MAML1: variants seen among roughly 807,000 people sequenced by gnomAD.
MAML1 encodes mastermind like transcriptional coactivator 1.
MAML1 carries 14 observed loss-of-function variants against 77.1 expected under a neutral mutation model. That is an observed-to-expected ratio of 0.18 (90% confidence interval 0.12 to 0.28). The LOEUF is 0.28. MAML1 is among the 10% of genes least tolerant of loss of function. MAML1 has a pLI of 1.00. For missense variants in MAML1, 1,217 were observed against 1,327.8 expected (o/e 0.92, Z 1.30); for synonymous variants, 516 against 551.9 (o/e 0.93, Z 0.91).
Position 179,753,900 on chromosome 5 carries a change from G to T in MAML1, c.316-11426G>T, listed in dbSNP as rs189429255. Among the ~76,000 whole-genome samples, 3 of 151,740 alleles carry T rather than the reference G, an allele frequency of 2.0e-5. No homozygotes were observed. The East Asian group carries it at 5.9e-4, about 30-fold the overall frequency. ...TTGGTCAAGCTGGTCTCGAACTCCC[G>T]ACCTCAAGTGATCCACCCACCTCGG... On this transcript the variant is annotated intron_variant, in intron 1 of 4. Transcript: ENST00000292599.
In MAML1 at chr5:179,765,625, T is replaced by G; in HGVS notation, c.615T>G (p.Ser205Arg). The G allele has an allele frequency of 6.2e-7, 1 of 1,614,172 alleles. No individual in the cohort carries two copies. The highest frequency in any genetic ancestry group is 8.5e-7 in the Non-Finnish European group (1 of 1,180,040). Residue 205 changes from serine to arginine, a missense_variant, in exon 2 of 5, where the codon AGT becomes AGG. Ser to Arg is a moderately radical substitution (Grantham distance 110, BLOSUM62 -1). Coordinates refer to ENST00000292599, the MANE Select transcript of MAML1 (RefSeq NM_014757.5). ...SLHLNGGSNP[S>R]ESFPLSLNKE... Reference sequence around the variant, plus strand: ...ACTTGAATGGAGGCAGTAACCCCAGTGAGTCATTTCCTCTGAGCCTGAATA... The same window carrying G: ...ACTTGAATGGAGGCAGTAACCCCAGGGAGTCATTTCCTCTGAGCCTGAATA...
Position 179,753,184 on chromosome 5 carries a change from AGTGTGTGTGTGT to A in MAML1, c.316-12114_316-12103del, listed in dbSNP as rs59680995. 2.1e-3 allele frequency among the ~76,000 whole-genome samples: 259 copies of A among 120,588 alleles called. 1 individual carries two copies. Among genetic ancestry groups the A allele is most frequent in the African/African-American group, 3.3e-3 (116 of 35,318 alleles). The allele number at this position is 120,588 out of a possible 152,430, so 79.1% of individuals were successfully genotyped here. A position where few individuals can be genotyped will look rare whatever the true frequency, so the allele number is the denominator to read the frequency against. ...ACCTAAATCCTAGATGCTATTTTTTAGTGTGTGTGTGTGTGTGTGTGTGTGTGTGTGTGTGTG... is the reference window on the plus strand; with the variant it reads ...ACCTAAATCCTAGATGCTATTTTTTAGTGTGTGTGTGTGTGTGTGTGTGTG... On this transcript the variant is annotated intron_variant, in intron 1 of 4. Transcript: ENST00000292599.
chr5:179,736,463 G>A (rs1282069914), intron 1 of MAML1, among the ~76,000 whole-genome samples: 2 of 151,822 alleles, frequency 1.3e-5, no homozygotes, highest in Admixed American at 1.3e-4. Flanking sequence ...ATGTTGGCCA[G>A]GATGGTCTCG....
At chr5:179,750,264 T>C (rs1270045697) in intron 1 of MAML1, among the ~76,000 whole-genome samples, 1 of 152,234 alleles carries the variant, frequency 6.6e-6, no homozygotes, top group African/African-American at 2.4e-5. Context: ...AGACTTCACA[T>C]GCTTACTCTG....
At position 179,769,862 on chromosome 5, in the gene MAML1, A is replaced by G. The variant is rs1184475167; in HGVS notation, c.1971+773A>G. Among the ~76,000 whole-genome samples, 2 of 152,042 alleles carry G rather than the reference A, an allele frequency of 1.3e-5. No individual in the cohort carries two copies. Among genetic ancestry groups the G allele is most frequent in the Non-Finnish European group, 2.9e-5 (2 of 68,006 alleles). On this transcript the variant is annotated intron_variant, in intron 3 of 4. Transcript: ENST00000292599. The surrounding 1 kb of genome is among the most constrained non-coding windows in gnomAD (Gnocchi z 4.2). The stretch of plus-strand genomic sequence containing the variant: ...GCCACCACGCCTGGCCTTAAATTAC[A>G]TCTTTAAGACATAAGAACTGGCTCC...
intron 4 of MAML1, 196 bp from the exon 5 acceptor site, chr5:179,773,699 C>T: frequency 5.1e-6 from 5 of 977,298 alleles, no homozygotes; most frequent in Non-Finnish European, 4.9e-6. Context: ...TGCCCTTCCT[C>T]TGTGCCTTTC....
At chr5:179,754,758 A>ATT (rs973848686) in intron 1 of MAML1, among the ~76,000 whole-genome samples, 3 of 152,140 alleles carry the variant, frequency 2.0e-5, no homozygotes, top group African/African-American at 7.2e-5. Context: ...GTGCCTGGGA[A>ATT]TTTGCATTTC....
At chr5:179,741,643 G>T (rs1779286243) in intron 1 of MAML1, among the ~76,000 whole-genome samples, 1 of 143,758 alleles carries the variant, frequency 7.0e-6, no homozygotes, top group African/African-American at 2.6e-5. Context: ...CTGAGATTGT[G>T]ACATCGTACT....
Position 179,743,364 on chromosome 5 carries a change from C to CTT in MAML1, c.315+9958_315+9959dup, listed in dbSNP as rs1187480234. ...ACCATGCCCGACCCCCTGCCCCACG[C>CTT]TTTTTTTTTTTTTTTTTTTTTTAAG... On this transcript the variant is annotated intron_variant, in intron 1 of 4. Transcript: ENST00000292599. 6.7e-3 allele frequency among the ~76,000 whole-genome samples: 617 copies of CTT among 91,718 alleles called. 8 individuals are homozygous for CTT. The highest frequency in any genetic ancestry group is 0.028 in the South Asian group (62 of 2,244). 60.2% of individuals were successfully genotyped at this position (91,718 alleles called of 152,430 possible).
chr5:179,735,470 C>T (rs1198818778), intron 1 of MAML1, among the ~76,000 whole-genome samples: 1 of 152,142 alleles, frequency 6.6e-6, no homozygotes, highest in Non-Finnish European at 1.5e-5. Flanking sequence ...TCACAGCAAT[C>T]TCCGCCTCCC....
At position 179,769,950 on chromosome 5, in the gene MAML1, A is replaced by T. The variant is rs1198795996; in HGVS notation, c.1971+861A>T. 1.3e-5 allele frequency among the ~76,000 whole-genome samples: 2 copies of T among 152,198 alleles called. No individual in the cohort carries two copies. Among genetic ancestry groups the T allele is most frequent in the Non-Finnish European group, 2.9e-5 (2 of 68,034 alleles). ...TTCTGCCTTTAAGAAAAGCAGCTTTATTGTGATGTAACTCACACAGCATAC... is the reference window on the plus strand; with the variant it reads ...TTCTGCCTTTAAGAAAAGCAGCTTTTTTGTGATGTAACTCACACAGCATAC... On this transcript the variant is annotated intron_variant, in intron 3 of 4. Transcript: ENST00000292599. The surrounding 1 kb of genome is among the most constrained non-coding windows in gnomAD (Gnocchi z 4.2).
In MAML1 at chr5:179,776,292, T is replaced by C. The variant is rs1756132327; in HGVS notation, c.*1415T>C. 7 of 985,704 alleles carry C rather than the reference T, an allele frequency of 7.1e-6. No homozygotes were observed. In the South Asian group the frequency reaches 2.3e-4, roughly 33 times the overall value. 61.1% of individuals were successfully genotyped at this position (985,704 alleles called of 1,614,324 possible). A position where few individuals can be genotyped will look rare whatever the true frequency, so the allele number is the denominator to read the frequency against. On this transcript the variant is annotated 3_prime_UTR_variant, in exon 5 of 5. Coordinates refer to ENST00000292599, the MANE Select transcript of MAML1 (RefSeq NM_014757.5). ...TGTTTCCCTGGAGTCTCCCAATGGA[T>C]CATTCAGGAGTGTCCTATGTGAGAA...
chr5:179,770,765 T>C (rs1333314201), intron 3 of MAML1, among the ~76,000 whole-genome samples: 1 of 152,222 alleles, frequency 6.6e-6, no homozygotes, highest in Non-Finnish European at 1.5e-5. Context: ...GTCAGACTGT[T>C]TCCCACAGGC....
Position 179,742,737 on chromosome 5 carries a change from C to T in MAML1, c.315+9310C>T, listed in dbSNP as rs945808647. Among the ~76,000 whole-genome samples the T allele has an allele frequency of 2.0e-5, 3 of 151,982 alleles. 1 individual carries two copies. The highest frequency in any genetic ancestry group is 4.1e-4 in the South Asian group (2 of 4,822). ...CAGGAGGCAGGAGAATCACTTGAACCCAGAAGGCGGAGGTTGCAGTGAGCT... is the reference window on the plus strand; with the variant it reads ...CAGGAGGCAGGAGAATCACTTGAACTCAGAAGGCGGAGGTTGCAGTGAGCT... On this transcript the variant is annotated intron_variant, in intron 1 of 4. Coordinates refer to ENST00000292599, the MANE Select transcript of MAML1 (RefSeq NM_014757.5).
At chr5:179,747,546 C>T (rs1030083772) in intron 1 of MAML1, among the ~76,000 whole-genome samples, 3 of 152,194 alleles carry the variant, frequency 2.0e-5, no homozygotes, top group Non-Finnish European at 2.9e-5. Context: ...CACGGTGGCT[C>T]ATGCCTGTAA....
At position 179,771,531 on chromosome 5, in the gene MAML1, G is replaced by C. The variant is rs1755990664; in HGVS notation, c.2068+288G>C. 1.3e-5 allele frequency among the ~76,000 whole-genome samples: 2 copies of C among 152,228 alleles called. No homozygotes were observed. Among genetic ancestry groups the C allele is most frequent in the African/African-American group, 2.4e-5 (1 of 41,462 alleles). Reference sequence around the variant, plus strand: ...GAGGACATCTTATCAGCAGGAAATAGCTTCTGTAATTCTCAAGAAAGTTCT... The same window carrying C: ...GAGGACATCTTATCAGCAGGAAATACCTTCTGTAATTCTCAAGAAAGTTCT... On this transcript the variant is annotated intron_variant, in intron 4 of 4. Coordinates refer to ENST00000292599, the MANE Select transcript of MAML1 (RefSeq NM_014757.5). The surrounding 1 kb of genome is among the most constrained non-coding windows in gnomAD (Gnocchi z 4.7).
At chr5:179,773,827 CGGCTCGAGTCTCAGA>C in intron 4 of MAML1, 53 bp from the exon 5 acceptor site, 1 of 1,535,304 alleles carries the variant, frequency 6.5e-7, no homozygotes, top group African/African-American at 1.4e-5. Context: ...TCTGGTGCTG[CGGCTCGAGTCTCAGA>C]GGGACCCAGT....
chr5:179,739,636 A>G (rs1328454924), intron 1 of MAML1, among the ~76,000 whole-genome samples: 1 of 152,202 alleles, frequency 6.6e-6, no homozygotes, highest in Admixed American at 6.6e-5. Context: ...GCGAGCTATG[A>G]TTGCGCCACT....
rs1386865578 is a variant in MAML1 at position 179,769,575 on chromosome 5, G to A, written c.1971+486G>A. ...GTGAGAGTTCTTTTTTTTTTTTGGA[G>A]ACAGAGTCTTGCTGTCACCCAGGCT... On this transcript the variant is annotated intron_variant, in intron 3 of 4. Coordinates refer to ENST00000292599, the MANE Select transcript of MAML1 (RefSeq NM_014757.5). This position sits in a 1 kb window ranked among gnomAD's most constrained non-coding sequence, Gnocchi z 4.2. Among the ~76,000 whole-genome samples the A allele has an allele frequency of 6.6e-6, 1 of 151,334 alleles. No individual in the cohort carries two copies. The highest frequency in any genetic ancestry group is 1.9e-4 in the East Asian group (1 of 5,178).
Sources: gnomAD v4.1 joint callset for allele counts (sites outside exome capture counted in the v4.1 genomes callset) on GRCh38, gnomAD v4.1.1 for gene constraint, Gnocchi (gnomAD v3.1) non-coding constraint, MANE v1.5 for transcripts, NCBI Gene and HGNC (gene_info 2026-07-23, HGNC 2026-07-21) for gene names.